Variants in XKR6 observed in about 807,000 individuals in gnomAD.
XKR6 encodes the protein XK-related protein 6.
In XKR6, 22 loss-of-function variants were observed where a neutral mutation model predicts 56.7. That is an observed-to-expected ratio of 0.39 (90% CI 0.28 to 0.55). The LOEUF is 0.55. Among genes scored for constraint, XKR6 ranks in the 20% least tolerant of loss-of-function variants. The probability of loss-of-function intolerance (pLI) is 0.66; values close to 1 mark genes in which losing one functional copy is unlikely to be tolerated. For missense variants in XKR6, 852 were observed against 889.0 expected, an observed-to-expected ratio of 0.96 and a Z score of 0.53; for synonymous variants, 524 against 387.8, an observed-to-expected ratio of 1.35 and a Z score of -4.13.
intron 2 of XKR6, among the ~76,000 whole-genome samples, chr8:10,908,627 C>T (rs1161079008): frequency 6.6e-6 from 1 of 152,136 alleles, no homozygotes; most frequent in Non-Finnish European, 1.5e-5. Flanking sequence ...GACCTTTATG[C>T]AACGATCAGC....
At chr8:11,108,762 G>A (rs74408318) in intron 1 of XKR6, 4,997 of 174,780 alleles carry the variant, frequency 0.029, 134 homozygotes, top group Middle Eastern at 0.055. Context: ...TCAGATCACC[G>A]GCCAAGGTAA....
chr8:11,001,491 C>A (rs1332662332), intron 1 of XKR6, among the ~76,000 whole-genome samples: 1 of 152,186 alleles, frequency 6.6e-6, no homozygotes, highest in Non-Finnish European at 1.5e-5. Context: ...AGGAGTTTAT[C>A]CCAATTGAGC....
intron 1 of XKR6, among the ~76,000 whole-genome samples, chr8:10,931,019 C>A (rs1474456145): frequency 6.6e-6 from 1 of 152,102 alleles, no homozygotes; most frequent in Non-Finnish European, 1.5e-5. Context: ...ACATGATTGT[C>A]TAGATTGAAA....
chr8:11,081,605 C>T (rs1251949384), intron 1 of XKR6, among the ~76,000 whole-genome samples: 3 of 152,194 alleles, frequency 2.0e-5, no homozygotes, highest in East Asian at 1.9e-4. Flanking sequence ...GACAAGTCCT[C>T]GGCAGTAACT....
intron 1 of XKR6, among the ~76,000 whole-genome samples, chr8:10,960,486 A>G (rs1053468125): frequency 2.6e-5 from 4 of 152,246 alleles, no homozygotes; most frequent in Non-Finnish European, 5.9e-5. Flanking sequence ...TCCTTTGATC[A>G]GGGAATATTC....
chr8:11,089,121 A>C (rs1586529274), intron 1 of XKR6, among the ~76,000 whole-genome samples: 1 of 152,180 alleles, frequency 6.6e-6, no homozygotes, highest in African/African-American at 2.4e-5. Flanking sequence ...CTACGGCTGG[A>C]ACATCAGGTC....
chr8:11,113,969 T>C (rs1035597913), intron 1 of XKR6: 2 of 336,710 alleles, frequency 5.9e-6, no homozygotes, highest in East Asian at 1.8e-4. Flanking sequence ...CTCGCTGGCT[T>C]TGCCATTTAC....
At chr8:10,998,705 C>T (rs1798170879) in intron 1 of XKR6, among the ~76,000 whole-genome samples, 1 of 152,150 alleles carries the variant, frequency 6.6e-6, no homozygotes, top group Non-Finnish European at 1.5e-5. Flanking sequence ...CTCCACTTCT[C>T]CCAGCCAGCT....
intron 1 of XKR6, among the ~76,000 whole-genome samples, chr8:11,140,233 C>T (rs1056537060): frequency 4.0e-5 from 6 of 151,754 alleles, no homozygotes; most frequent in Non-Finnish European, 7.4e-5. Context: ...ACTATAAAAG[C>T]AACAATGAAG....
chr8:11,003,414 A>AATT (rs1798291293), intron 1 of XKR6, among the ~76,000 whole-genome samples: 1 of 151,994 alleles, frequency 6.6e-6, no homozygotes, highest in Non-Finnish European at 1.5e-5. Context: ...CCATTATCAT[A>AATT]ATTATCATCA....
intron 1 of XKR6, among the ~76,000 whole-genome samples, chr8:11,042,386 G>A (rs1234122507): frequency 6.6e-6 from 1 of 152,010 alleles, no homozygotes; most frequent in Non-Finnish European, 1.5e-5. Flanking sequence ...ACTGAACCGT[G>A]GGGACAGATT....
rs1414113754 is a variant in XKR6 at position 11,020,276 on chromosome 8, G to A, written c.765-95446C>T. On this transcript the variant is annotated intron_variant, in intron 1 of 2. Transcript: ENST00000416569. Reference sequence around the variant, plus strand: ...GATTTCAGTGTAGGAAGCCGACACCGTCTGTGCATCCCGACACGGAAGCAC... The same window carrying A: ...GATTTCAGTGTAGGAAGCCGACACCATCTGTGCATCCCGACACGGAAGCAC... 4.6e-5 allele frequency among the ~76,000 whole-genome samples: 7 copies of A among 152,140 alleles called. No homozygotes were observed. The East Asian group carries it at 5.8e-4, about 13-fold the overall frequency.
At chr8:10,925,023 C>A (rs771809477) in intron 1 of XKR6, among the ~76,000 whole-genome samples, 193 bp from the exon 2 acceptor site, 5 of 152,012 alleles carry the variant, frequency 3.3e-5, no homozygotes, top group African/African-American at 7.2e-5. Context: ...GGGGGAGGGG[C>A]GGGGCAGGTC....
chr8:11,145,107 A>C (rs978477081), intron 1 of XKR6, among the ~76,000 whole-genome samples: 1 of 152,012 alleles, frequency 6.6e-6, no homozygotes, highest in African/African-American at 2.4e-5. Context: ...CAAAACCTAA[A>C]ATGCTCCAAA....
At chr8:11,114,965 G>A (rs566828262) in intron 1 of XKR6, among the ~76,000 whole-genome samples, 8 of 152,302 alleles carry the variant, frequency 5.3e-5, no homozygotes, top group South Asian at 2.1e-4. Context: ...TCTAAGCACC[G>A]GAATTAAGTG....
intron 1 of XKR6, among the ~76,000 whole-genome samples, chr8:10,932,712 G>A (rs1428091353): frequency 7.7e-6 from 1 of 130,384 alleles, no homozygotes; most frequent in Non-Finnish European, 1.7e-5. Context: ...TACTGAGAAT[G>A]ATGATTTCCA....
intron 1 of XKR6, among the ~76,000 whole-genome samples, chr8:11,155,078 T>C (rs1302577913): frequency 1.3e-5 from 2 of 152,214 alleles, no homozygotes; most frequent in Admixed American, 6.5e-5. Flanking sequence ...CATGGTTTCA[T>C]CCTGAGGCCC....
intron 1 of XKR6, among the ~76,000 whole-genome samples, chr8:11,002,699 C>A (rs577290445): frequency 3.9e-5 from 6 of 152,354 alleles, no homozygotes; most frequent in Middle Eastern, 6.8e-3. Flanking sequence ...GGGGGTGGTG[C>A]GAGTTCAACG....
At chr8:11,077,083 G>A (rs1800293509) in intron 1 of XKR6, among the ~76,000 whole-genome samples, 1 of 152,126 alleles carries the variant, frequency 6.6e-6, no homozygotes, top group Non-Finnish European at 1.5e-5. Context: ...GGCTGAGGCA[G>A]AAGGATCACT....
Sources: allele counts gnomAD v4.1 joint callset (sites outside exome capture counted in the v4.1 genomes callset), GRCh38; gene constraint gnomAD v4.1.1; transcripts MANE v1.5; gene names NCBI Gene and HGNC (gene_info 2026-07-23, HGNC 2026-07-21).